Variants in EPB41L3 observed in about 807,000 individuals in gnomAD.
The protein encoded by EPB41L3 is erythrocyte membrane protein band 4.1 like 3, also known as band 4.1-like protein 3.
Under a neutral mutation model 127.1 loss-of-function variants are expected in EPB41L3, and 57 were observed. That is an observed-to-expected ratio of 0.45 (90% CI 0.36 to 0.56). The LOEUF is 0.56. EPB41L3 is among the 20% of genes least tolerant of loss of function. The probability of loss-of-function intolerance (pLI) is 0.00; values close to 1 mark genes in which losing one functional copy is unlikely to be tolerated. For missense variants in EPB41L3, 1,273 were observed against 1,372.2 expected (o/e 0.93, Z 1.14); for synonymous variants, 572 against 549.5 (o/e 1.04, Z -0.57).
At chr18:5,422,333 G>C (rs748960364) in intron 11 of EPB41L3, among the ~76,000 whole-genome samples, 42 of 152,150 alleles carry the variant, frequency 2.8e-4, no homozygotes, top group Non-Finnish European at 4.4e-4. Context: ...TTTTTAGTTG[G>C]GAGATTCAAG....
chr18:5,565,824 G>T (rs1457531095), intron 3 of EPB41L3, among the ~76,000 whole-genome samples: 2 of 151,816 alleles, frequency 1.3e-5, no homozygotes, highest in African/African-American at 4.8e-5. Context: ...TTTTATGGCT[G>T]CATAGTGTTC....
intron 5 of EPB41L3, among the ~76,000 whole-genome samples, chr18:5,440,982 T>C (rs2080624124): frequency 6.6e-6 from 1 of 152,126 alleles, no homozygotes; most frequent in African/African-American, 2.4e-5. Context: ...GCTCAAGTGA[T>C]CCAACCCCCT....
intron 3 of EPB41L3, among the ~76,000 whole-genome samples, chr18:5,550,472 G>A (rs924110075): frequency 2.0e-5 from 3 of 152,150 alleles, no homozygotes; most frequent in Admixed American, 6.5e-5. Context: ...TATACTTGAT[G>A]AGCCCTATAA....
At chr18:5,442,490 T>G (rs2080922680) in intron 5 of EPB41L3, among the ~76,000 whole-genome samples, 1 of 152,172 alleles carries the variant, frequency 6.6e-6, no homozygotes, top group South Asian at 2.1e-4. Context: ...AACTGCTCAC[T>G]AGTGATTATG....
intron 3 of EPB41L3, among the ~76,000 whole-genome samples, chr18:5,572,640 C>T (rs1387912138): frequency 6.6e-6 from 1 of 152,128 alleles, no homozygotes; most frequent in African/African-American, 2.4e-5. Context: ...ATGGTGTCAT[C>T]GTGGCTCACC....
intron 22 of EPB41L3, 31 bp downstream of exon 22, chr18:5,394,646 G>A: frequency 6.4e-7 from 1 of 1,574,784 alleles, no homozygotes; most frequent in Non-Finnish European, 8.7e-7. Flanking sequence ...GCCAGCCTAG[G>A]CAAGCCTAGA....
At chr18:5,452,460 T>C (rs1313767388) in intron 3 of EPB41L3, among the ~76,000 whole-genome samples, 22 of 151,624 alleles carry the variant, frequency 1.5e-4, no homozygotes, top group Admixed American at 9.2e-4. Context: ...AGCCTTGACC[T>C]CCTGGGCTCA....
chr18:5,394,997 T>C, intron 21 of EPB41L3, 70 bp downstream of exon 21: 14 of 1,473,060 alleles, frequency 9.5e-6, no homozygotes, highest in South Asian at 1.1e-5. Flanking sequence ...AGGAATAGCA[T>C]TGAAACTGTA....
chr18:5,547,245 A>C (rs924485320), upstream of EPB41L3, among the ~76,000 whole-genome samples: 2 of 152,174 alleles, frequency 1.3e-5, no homozygotes, highest in Non-Finnish European at 2.9e-5. Context: ...AAATAAAGCC[A>C]CTATAGCCCC....
At chr18:5,467,256 C>T (rs150081654) in intron 3 of EPB41L3, among the ~76,000 whole-genome samples, 20 of 152,276 alleles carry the variant, frequency 1.3e-4, no homozygotes, top group African/African-American at 3.4e-4. Context: ...TGCATTGCTT[C>T]GAAGCTTTAT....
intron 1 of EPB41L3, among the ~76,000 whole-genome samples, chr18:5,542,785 A>G (rs941464224): frequency 2.0e-5 from 3 of 152,242 alleles, no homozygotes; most frequent in Non-Finnish European, 4.4e-5. Context: ...TCTCATTGCA[A>G]GGGACCACAG....
At chr18:5,445,982 C>T (rs2081419066) in intron 3 of EPB41L3, among the ~76,000 whole-genome samples, 1 of 152,092 alleles carries the variant, frequency 6.6e-6, no homozygotes, top group African/African-American at 2.4e-5. Context: ...GTCCCTGGTG[C>T]CAAAAAGGTT....
chr18:5,563,419 A>G (rs369198694), intron 3 of EPB41L3, among the ~76,000 whole-genome samples: 3 of 152,326 alleles, frequency 2.0e-5, no homozygotes, highest in South Asian at 4.1e-4. Context: ...GAGTCTTGCC[A>G]TTCTTTAAGC....
chr18:5,555,945 G>C (rs1161772180), intron 3 of EPB41L3, among the ~76,000 whole-genome samples: 2 of 152,072 alleles, frequency 1.3e-5, no homozygotes, highest in East Asian at 1.9e-4. Flanking sequence ...CAAGGGTTCT[G>C]GTAGCATCAG....
At chr18:5,447,917 C>T (rs2272131) in intron 3 of EPB41L3, among the ~76,000 whole-genome samples, 6,821 of 152,204 alleles carry the variant, frequency 0.045, 351 homozygotes, top group East Asian at 0.25. Flanking sequence ...ACATACTAGT[C>T]CACACTGAAG....
chr18:5,562,644 T>C (rs2094148555), intron 3 of EPB41L3, among the ~76,000 whole-genome samples: 1 of 152,188 alleles, frequency 6.6e-6, no homozygotes, highest in Non-Finnish European at 1.5e-5. Flanking sequence ...CAGAACCCAA[T>C]CAATGTTAAC....
rs1468107549 is a variant in EPB41L3, at chr18:5,543,802, C to T, written c.-12+111G>A. 2.3e-6 allele frequency: 2 copies of T among 855,360 alleles called. No homozygotes were observed. Among genetic ancestry groups the T allele is most frequent in the East Asian group, 1.2e-4 (1 of 8,076 alleles). 53.0% of individuals were successfully genotyped at this position (855,360 alleles called of 1,614,324 possible). ...GAGACCGCGCGGCGCCGAAGCCACG[C>T]GTCAGCCCCACTGTCCCGCGCGCCT... On this transcript the variant is annotated intron_variant, in intron 1 of 22. Coordinates refer to ENST00000341928, the MANE Select transcript of EPB41L3 (RefSeq NM_012307.5). This position sits in a 1 kb window ranked among gnomAD's most constrained non-coding sequence, Gnocchi z 5.2.
At chr18:5,629,303 G>A (rs1239238041), upstream of EPB41L3, among the ~76,000 whole-genome samples, 1 of 152,000 alleles carries the variant, frequency 6.6e-6, no homozygotes, top group Non-Finnish European at 1.5e-5. Context: ...CCGGGGTGCA[G>A]CTGCGCGCAG....
chr18:5,500,735 TAAACAAATAATGA>T (rs554038490), intron 1 of EPB41L3, among the ~76,000 whole-genome samples: 122 of 152,306 alleles, frequency 8.0e-4, no homozygotes, highest in African/African-American at 2.9e-3. Context: ...AAATAAGCCC[TAAACAAATAATGA>T]ATGAATGAAC....
Sources: gnomAD v4.1 joint callset for allele counts (sites outside exome capture counted in the v4.1 genomes callset) on GRCh38, gnomAD v4.1.1 for gene constraint, Gnocchi (gnomAD v3.1) non-coding constraint, MANE v1.5 for transcripts, NCBI Gene and HGNC (gene_info 2026-07-23, HGNC 2026-07-21) for gene names.